Variants in COL23A1 observed in about 807,000 individuals in gnomAD.
COL23A1 encodes the protein collagen type XXIII alpha 1 chain.
In COL23A1, 97 loss-of-function variants were observed where a neutral mutation model predicts 99.3. The observed-to-expected ratio is 0.98, with a 90% CI of 0.83 to 1.16. The LOEUF (loss-of-function observed/expected upper bound fraction) is 1.16. Among genes scored for constraint, COL23A1 ranks in the 50% most tolerant of loss-of-function variants. COL23A1 has a pLI of 0.00. For missense variants in COL23A1, 762 were observed against 757.4 expected (o/e 1.01, Z -0.07); for synonymous variants, 320 against 308.2 (o/e 1.04, Z -0.40).
intron 2 of COL23A1, among the ~76,000 whole-genome samples, chr5:178,357,748 A>G (rs375233264): frequency 3.6e-5 from 5 of 138,290 alleles, no homozygotes; most frequent in East Asian, 2.2e-4. Flanking sequence ...ATGTACGTGT[A>G]TGTGTGTGTG....
chr5:178,365,486 C>T lies in COL23A1; in HGVS notation c.362-58567G>A, dbSNP rs11249799. Among the ~76,000 whole-genome samples the T allele has an allele frequency of 0.12, 17,488 of 152,034 alleles. 985 individuals carry two copies. The highest frequency in any genetic ancestry group is 0.15 in the South Asian group (727 of 4,814). On this transcript the variant is annotated intron_variant, in intron 2 of 28. Coordinates refer to ENST00000390654, the MANE Select transcript of COL23A1 (RefSeq NM_173465.4). The surrounding 1 kb of genome is among the most constrained non-coding windows in gnomAD (Gnocchi z 5.2). ...TCTTTCTTTTGACGGGTACCCGCCACCCAATCCCTCTTTCTTCTGATGTCG... is the reference window on the plus strand; with the variant it reads ...TCTTTCTTTTGACGGGTACCCGCCATCCAATCCCTCTTTCTTCTGATGTCG...
chr5:178,508,085 T>C (rs1024022271), intron 2 of COL23A1, among the ~76,000 whole-genome samples: 1 of 152,154 alleles, frequency 6.6e-6, no homozygotes, highest in Non-Finnish European at 1.5e-5. Flanking sequence ...AAATTTCTGT[T>C]ATATCCTATC....
intron 3 of COL23A1, among the ~76,000 whole-genome samples, chr5:178,301,027 T>C (rs989691191): frequency 7.6e-4 from 30 of 39,726 alleles, no homozygotes; most frequent in Non-Finnish European, 1.6e-3. Flanking sequence ...TATTCCTTTG[T>C]TTCTTTCTCT....
chr5:178,351,045 C>T (rs538666541), intron 2 of COL23A1: 7 of 152,428 alleles, frequency 4.6e-5, no homozygotes, highest in East Asian at 3.9e-4. Flanking sequence ...GCCAAAGCCC[C>T]GGGGCTGCTC....
At chr5:178,285,135 C>T (rs1296319438) in intron 5 of COL23A1, among the ~76,000 whole-genome samples, 2 of 152,190 alleles carry the variant, frequency 1.3e-5, no homozygotes, top group Admixed American at 6.5e-5. Context: ...TCCTCAAGTC[C>T]ACAACCTGCC....
At chr5:178,461,319 C>T (rs969304927) in intron 2 of COL23A1, among the ~76,000 whole-genome samples, 1 of 152,156 alleles carries the variant, frequency 6.6e-6, no homozygotes, top group Non-Finnish European at 1.5e-5. Flanking sequence ...AAGGGGCAGC[C>T]GCGGCAAAGA....
chr5:178,386,787 G>T (rs539444836), intron 2 of COL23A1, among the ~76,000 whole-genome samples: 21 of 152,140 alleles, frequency 1.4e-4, no homozygotes, highest in Non-Finnish European at 2.8e-4. Flanking sequence ...CTCGGTTCCT[G>T]GGGAGCAAGA....
chr5:178,562,659 G>A (rs1762640235), intron 1 of COL23A1: 1 of 151,194 alleles, frequency 6.6e-6, no homozygotes, highest in African/African-American at 2.4e-5. Flanking sequence ...GCAGCAAGGA[G>A]ATTTATTGTG....
At position 178,307,010 on chromosome 5, in the gene COL23A1, C is replaced by T. The variant is rs999509892; in HGVS notation, c.362-91G>A. Reference sequence around the variant, plus strand: ...TGCCCCAGCCACCCACCTGTCCGCTCGCAACAGCTTTCTGGGAGTGGCCTG... The same window carrying T: ...TGCCCCAGCCACCCACCTGTCCGCTTGCAACAGCTTTCTGGGAGTGGCCTG... On this transcript the variant is annotated intron_variant, in intron 2 of 28. Coordinates refer to ENST00000390654, the MANE Select transcript of COL23A1 (RefSeq NM_173465.4). This position sits in a 1 kb window ranked among gnomAD's most constrained non-coding sequence, Gnocchi z 4.2. 1.3e-5 allele frequency: 13 copies of T among 964,996 alleles called. No individual in the cohort carries two copies. The highest frequency in any genetic ancestry group is 3.8e-5 in the Admixed American group (1 of 26,516). 59.8% of individuals were successfully genotyped at this position (964,996 alleles called of 1,614,324 possible).
chr5:178,269,591 A>AATCCATCCATCC (rs535673246), intron 6 of COL23A1, among the ~76,000 whole-genome samples: 16,596 of 90,388 alleles, frequency 0.18, 1,730 homozygotes, highest in East Asian at 0.32. Flanking sequence ...CTCATCCATC[A>AATCCATCCATCC]ATCCATCCAT....
intron 1 of COL23A1, among the ~76,000 whole-genome samples, chr5:178,568,426 GATTT>G (rs940059307): frequency 2.2e-4 from 34 of 151,846 alleles, no homozygotes; most frequent in African/African-American, 7.5e-4. Context: ...TTTTAGAATG[GATTT>G]ATTTTTTTAA....
intron 8 of COL23A1, chr5:178,265,844 T>C (rs1755861725): frequency 3.8e-6 from 1 of 261,096 alleles, no homozygotes; most frequent in Admixed American, 6.5e-5. Context: ...GGCAGTTAGG[T>C]GATCAGGTGT....
At chr5:178,534,377 C>T (rs564659467) in intron 2 of COL23A1, among the ~76,000 whole-genome samples, 26 of 152,290 alleles carry the variant, frequency 1.7e-4, no homozygotes, top group African/African-American at 4.1e-4. Flanking sequence ...CCCGCCTTCA[C>T]GGTGAGGATT....
At chr5:178,249,714 A>ACTCT (rs1554125211) in intron 18 of COL23A1, among the ~76,000 whole-genome samples, 5 of 116,312 alleles carry the variant, frequency 4.3e-5, no homozygotes, top group African/African-American at 1.6e-4. Context: ...ACACACACAC[A>ACTCT]CACTCTCTCT....
intron 15 of COL23A1, 66 bp downstream of exon 15, chr5:178,256,287 G>A: frequency 1.6e-6 from 2 of 1,218,324 alleles, no homozygotes; most frequent in Non-Finnish European, 2.2e-6. Flanking sequence ...TGGGGACAGG[G>A]GCTTCTGAAG....
intron 4 of COL23A1, among the ~76,000 whole-genome samples, chr5:178,288,800 G>A (rs1345235925): frequency 6.6e-6 from 1 of 152,044 alleles, no homozygotes; most frequent in East Asian, 1.9e-4. Flanking sequence ...GAATATCGGG[G>A]GGCGTTCACT....
intron 2 of COL23A1, among the ~76,000 whole-genome samples, chr5:178,549,675 C>T (rs534044870): frequency 3.5e-4 from 53 of 152,078 alleles, no homozygotes; most frequent in African/African-American, 6.5e-4. Context: ...ATTAGCCAGG[C>T]GTGGTGGTGT....
intron 1 of COL23A1, among the ~76,000 whole-genome samples, chr5:178,581,728 C>T (rs1763671200): frequency 6.6e-6 from 1 of 152,018 alleles, no homozygotes; most frequent in Non-Finnish European, 1.5e-5. Flanking sequence ...AGGGTGTATG[C>T]CACGTTGATA....
At chr5:178,301,807 G>A (rs572951384) in intron 3 of COL23A1, among the ~76,000 whole-genome samples, 3 of 152,256 alleles carry the variant, frequency 2.0e-5, no homozygotes, top group South Asian at 2.1e-4. Context: ...TGTGTGCGCC[G>A]GAGCACGGCT....
Sources: allele counts gnomAD v4.1 joint callset (sites outside exome capture counted in the v4.1 genomes callset), GRCh38; gene constraint gnomAD v4.1.1; non-coding constraint Gnocchi (gnomAD v3.1); transcripts MANE v1.5; gene names NCBI Gene and HGNC (gene_info 2026-07-23, HGNC 2026-07-21).